ARHGEF1: variants seen among roughly 807,000 people sequenced by gnomAD.
ARHGEF1 encodes the protein Rho guanine nucleotide exchange factor 1.
In ARHGEF1, 40 loss-of-function variants were observed where a neutral mutation model predicts 119.7. The observed-to-expected ratio is 0.33, with a 90% CI of 0.26 to 0.44. The LOEUF (loss-of-function observed/expected upper bound fraction) is 0.44. Among genes scored for constraint, ARHGEF1 ranks in the 20% least tolerant of loss-of-function variants. The pLI, the probability that ARHGEF1 is intolerant of heterozygous loss-of-function variation, is 1.00. For missense variants in ARHGEF1, 976 were observed against 1,268.3 expected (o/e 0.77, Z 3.50); for synonymous variants, 494 against 521.0 (o/e 0.95, Z 0.71).
In ARHGEF1 at chr19:41,904,474, C is replaced by A; in HGVS notation, c.2161+91C>A. 7.2e-7 allele frequency: 1 copy of A among 1,389,404 alleles called. No individual in the cohort carries two copies. The highest frequency in any genetic ancestry group is 9.5e-7 in the Non-Finnish European group (1 of 1,050,442). 86.1% of individuals were successfully genotyped at this position (1,389,404 alleles called of 1,614,324 possible). ...TGGGGAGCAGAACCCTCTAGAGAGC[C>A]AGGGAGCCAGCATTCTAGCAAAGAG... On this transcript the variant is annotated intron_variant, in intron 22 of 28. Transcript: ENST00000354532. This position sits in a 1 kb window ranked among gnomAD's most constrained non-coding sequence, Gnocchi z 8.4.
intron 13 of ARHGEF1, chr19:41,898,038 G>A: frequency 7.5e-7 from 1 of 1,337,912 alleles, no homozygotes; most frequent in Non-Finnish European, 9.5e-7. Flanking sequence ...GGCCGGGGTG[G>A]GGGCCGCTCC....
Position 41,894,216 on chromosome 19 carries a change from G to T in ARHGEF1, c.654G>T (p.Val218=). The part of the protein sequence containing the change: ...ISTDEEKSAA[V]VNAIGLYMRH... ...TGTCCCTTCCCTACAGTGCTGCCGTGGTCAACGCCATTGGCCTGTACATGC... is the reference window on the plus strand; with the variant it reads ...TGTCCCTTCCCTACAGTGCTGCCGTTGTCAACGCCATTGGCCTGTACATGC... Residue 218 remains valine (V), a synonymous_variant, in exon 9 of 29, where the codon GTG becomes GTT. Transcript: ENST00000354532. 1 of 1,536,386 alleles carries T rather than the reference G, an allele frequency of 6.5e-7. No homozygotes were observed.
Position 41,889,558 on chromosome 19 carries a change from C to T in ARHGEF1, c.225+693C>T, listed in dbSNP as rs1483531256. The T allele has an allele frequency of 6.6e-6, 1 of 152,296 alleles. No homozygotes were observed. The highest frequency in any genetic ancestry group is 1.5e-5 in the Non-Finnish European group (1 of 68,114). The allele number at this position is 152,296 out of a possible 1,614,324, so 9.4% of individuals were successfully genotyped here. A position where few individuals can be genotyped will look rare whatever the true frequency, so the allele number is the denominator to read the frequency against. ...GCAGGGGATCTGTAGACAAGGGTCT[C>T]ATCCCAAGAAGACCCCGTCCAGCCC... On this transcript the variant is annotated intron_variant, in intron 4 of 28. Coordinates refer to ENST00000354532, the MANE Select transcript of ARHGEF1 (RefSeq NM_004706.4). This position sits in a 1 kb window ranked among gnomAD's most constrained non-coding sequence, Gnocchi z 4.0.
intron 13 of ARHGEF1, chr19:41,897,726 T>C (rs2074535027): frequency 2.2e-6 from 1 of 448,136 alleles, no homozygotes; most frequent in Non-Finnish European, 3.9e-6. Flanking sequence ...GGTCTCTCCC[T>C]GTCTCTGTCC....
intron 13 of ARHGEF1, 166 bp from the exon 14 acceptor site, chr19:41,898,276 T>TC (rs1555848311): frequency 1.5e-6 from 2 of 1,311,638 alleles, no homozygotes; most frequent in Admixed American, 5.4e-5. Context: ...CTTCTAGAGA[T>TC]CTGGGAACTC....
chr19:41,918,942 C>T (rs2074820889), upstream of ARHGEF1, among the ~76,000 whole-genome samples: 1 of 149,672 alleles, frequency 6.7e-6, no homozygotes, highest in Non-Finnish European at 1.5e-5. Flanking sequence ...ACATACACTA[C>T]TCACCATACA....
upstream of ARHGEF1, among the ~76,000 whole-genome samples, chr19:41,922,888 C>T (rs2074850490): frequency 6.6e-6 from 1 of 152,224 alleles, no homozygotes; most frequent in Non-Finnish European, 1.5e-5. Context: ...AGCCCCACAC[C>T]GGGTCCCATG....
At chr19:41,913,316 C>A (rs956595314) in intron 18 of ARHGEF1, among the ~76,000 whole-genome samples, 108 of 151,488 alleles carry the variant, frequency 7.1e-4, no homozygotes, top group Non-Finnish European at 1.4e-3. Context: ...TGCCGTCTCC[C>A]GTCCCCGCTC....
At chr19:41,897,371 C>T (rs1181597547) in intron 13 of ARHGEF1, 2 of 1,208,946 alleles carry the variant, frequency 1.7e-6, no homozygotes, top group African/African-American at 3.2e-5. Flanking sequence ...GCCCCTCCCC[C>T]ATTTCTCCCA....
intron 1 of ARHGEF1, among the ~76,000 whole-genome samples, chr19:41,926,757 G>A (rs1210686440): frequency 4.6e-5 from 7 of 152,154 alleles, no homozygotes. Flanking sequence ...TGATAGATCC[G>A]CGCGCCGCTT....
At position 41,905,149 on chromosome 19, in the gene ARHGEF1, C is replaced by T. The variant is rs782189960; in HGVS notation, c.2250-26C>T. On this transcript the variant is annotated intron_variant, in intron 23 of 28. Transcript: ENST00000354532. The surrounding 1 kb of genome is among the most constrained non-coding windows in gnomAD (Gnocchi z 6.4). ...GCATAGGGTCTGGGGGCTCTGACTG[C>T]CCAGGGATTTGGCCTTTCTCCCCAG... 2.2e-5 allele frequency: 36 copies of T among 1,613,244 alleles called. No homozygotes were observed. The East Asian group carries it at 7.1e-4, about 32-fold the overall frequency.
rs369822640 is a variant in ARHGEF1, at chr19:41,892,273, C to T, written c.325-58C>T. 356 of 1,603,376 alleles carry T rather than the reference C, an allele frequency of 2.2e-4. 1 individual carries two copies. The African/African-American group carries it at 3.8e-3, about 17-fold the overall frequency. On this transcript the variant is annotated intron_variant, in intron 5 of 28. Transcript: ENST00000354532. The surrounding 1 kb of genome is among the most constrained non-coding windows in gnomAD (Gnocchi z 6.3). ...AGACCAGGGTTCCTGGCAGTCCTCC[C>T]GGCCTGCATCTCAGCACACCAAGTC...
chr19:41,922,429 G>A (rs1217326580), upstream of ARHGEF1, among the ~76,000 whole-genome samples: 1 of 152,150 alleles, frequency 6.6e-6, no homozygotes, highest in Non-Finnish European at 1.5e-5. Flanking sequence ...CAGATGGATG[G>A]GACTGAGATG....
downstream of ARHGEF1, chr19:41,909,719 C>T: frequency 9.8e-7 from 1 of 1,017,402 alleles, no homozygotes; most frequent in Non-Finnish European, 1.4e-6. The surrounding 1 kb of genome is among the most constrained non-coding windows in gnomAD (Gnocchi z 5.2). Flanking sequence ...CCCTTCCACT[C>T]ACAAGTAGCG....
rs113205924 is a variant in ARHGEF1, at chr19:41,901,224, A to G, written c.1268-663A>G. Among the ~76,000 whole-genome samples, 1,328 of 151,766 alleles carry G rather than the reference A, an allele frequency of 8.8e-3. 19 individuals carry two copies. The highest frequency in any genetic ancestry group is 0.026 in the African/African-American group (1,085 of 41,324). On this transcript the variant is annotated intron_variant, in intron 14 of 28. Transcript: ENST00000354532. ...GAGTGCAGTGGTGTGATCTCAGCTC[A>G]CTGCAACCTCTGTCTCCCGGGTTCA... is the stretch of plus-strand genomic sequence containing the variant.
In ARHGEF1 at chr19:41,895,512, C is replaced by T. The variant is rs782041790; in HGVS notation, c.1015+26C>T. ...GTGAGAGTTTCCTGGGCCAGGGCTC[C>T]ATGAGGCCCGGCGATCCAGGGTGGG... On this transcript the variant is annotated intron_variant, in intron 12 of 28. Transcript: ENST00000354532. 4.5e-6 allele frequency: 7 copies of T among 1,570,902 alleles called. No individual in the cohort carries two copies. The African/African-American group carries it at 5.4e-5, about 12-fold the overall frequency.
chr19:41,909,819 G>T, downstream of ARHGEF1: 1 of 1,535,896 alleles, frequency 6.5e-7, no homozygotes, highest in Non-Finnish European at 8.8e-7. This position sits in a 1 kb window ranked among gnomAD's most constrained non-coding sequence, Gnocchi z 5.2. Context: ...GGGACAGTTG[G>T]GGGAAAAGGA....
At chr19:41,895,975 C>T (rs573527980) in intron 12 of ARHGEF1, among the ~76,000 whole-genome samples, 1 of 152,296 alleles carries the variant, frequency 6.6e-6, no homozygotes, top group South Asian at 2.1e-4. Flanking sequence ...GGATATGACT[C>T]CCCTTTCTTA....
At chr19:41,923,803 C>T (rs1251139219) in intron 1 of ARHGEF1, among the ~76,000 whole-genome samples, 1 of 3,212 alleles carries the variant, frequency 3.1e-4, no homozygotes, top group African/African-American at 1.7e-3. Flanking sequence ...TCTGGGGAGG[C>T]GGGGGTGTGT....
Sources: allele counts gnomAD v4.1 joint callset (sites outside exome capture counted in the v4.1 genomes callset), GRCh38; gene constraint gnomAD v4.1.1; non-coding constraint Gnocchi (gnomAD v3.1); transcripts MANE v1.5; gene names NCBI Gene and HGNC (gene_info 2026-07-23, HGNC 2026-07-21).